CNTNAP2: variants seen among roughly 807,000 people sequenced by gnomAD.
CNTNAP2 encodes the protein contactin associated protein 2.
Under a neutral mutation model 155.2 loss-of-function variants are expected in CNTNAP2, and 98 were observed. That is an observed-to-expected ratio of 0.63 (90% CI 0.54 to 0.75). CNTNAP2 has a LOEUF of 0.75. CNTNAP2 is among the 30% of genes least tolerant of loss of function. The pLI is 0.00. For missense variants in CNTNAP2, 1,727 were observed against 1,688.1 expected, an observed-to-expected ratio of 1.02 and a Z score of -0.40; for synonymous variants, 651 against 631.2, an observed-to-expected ratio of 1.03 and a Z score of -0.47.
intron 1 of CNTNAP2, among the ~76,000 whole-genome samples, chr7:146,629,563 T>C (rs749667230): frequency 1.3e-5 from 2 of 152,220 alleles, no homozygotes; most frequent in African/African-American, 4.8e-5. Context: ...CAAGGAATTA[T>C]GGCATATGAT....
intron 11 of CNTNAP2, among the ~76,000 whole-genome samples, chr7:147,558,189 T>G (rs6947238): frequency 0.46 from 70,163 of 151,944 alleles, 16,343 homozygotes; most frequent in East Asian, 0.61. Context: ...TTACTATTTT[T>G]ATGTATTTAT....
At chr7:147,352,006 A>G (rs1795975158) in intron 9 of CNTNAP2, among the ~76,000 whole-genome samples, 1 of 151,934 alleles carries the variant, frequency 6.6e-6, no homozygotes, top group Non-Finnish European at 1.5e-5. Flanking sequence ...TCAATGATCA[A>G]TGGCAATTTG....
chr7:146,577,707 T>G (rs2129147174), intron 1 of CNTNAP2, among the ~76,000 whole-genome samples: 1 of 152,238 alleles, frequency 6.6e-6, no homozygotes, highest in East Asian at 1.9e-4. Context: ...AGCAATTTCC[T>G]TTGCTCATTA....
intron 1 of CNTNAP2, among the ~76,000 whole-genome samples, chr7:146,178,834 C>A (rs1415135112): frequency 6.6e-6 from 1 of 152,134 alleles, no homozygotes; most frequent in African/African-American, 2.4e-5. Context: ...CTGCTTATTA[C>A]TAAGGTTAGA....
At chr7:147,304,634 G>T (rs938546016) in intron 9 of CNTNAP2, among the ~76,000 whole-genome samples, 1 of 152,124 alleles carries the variant, frequency 6.6e-6, no homozygotes, top group Non-Finnish European at 1.5e-5. Flanking sequence ...TCTTAGGAAG[G>T]TACCAAAGCA....
intron 15 of CNTNAP2, among the ~76,000 whole-genome samples, chr7:148,006,711 CT>C (rs370932828): frequency 1.3e-4 from 19 of 143,210 alleles, no homozygotes; most frequent in African/African-American, 3.8e-4. Flanking sequence ...TAATAATTTT[CT>C]TTTTTTTTTC....
intron 1 of CNTNAP2, among the ~76,000 whole-genome samples, chr7:146,573,903 A>C (rs866939418): frequency 6.6e-6 from 1 of 152,206 alleles, no homozygotes; most frequent in Admixed American, 6.5e-5. Flanking sequence ...TAGGTGTAAA[A>C]AAATGCATGT....
At chr7:146,888,604 T>C (rs2129210951) in intron 3 of CNTNAP2, among the ~76,000 whole-genome samples, 1 of 152,196 alleles carries the variant, frequency 6.6e-6, no homozygotes, top group East Asian at 1.9e-4. Flanking sequence ...CATTTTTTTT[T>C]CATCTTGATA....
chr7:146,731,479 A>T (rs993859067), intron 1 of CNTNAP2, among the ~76,000 whole-genome samples: 9 of 151,898 alleles, frequency 5.9e-5, no homozygotes, highest in African/African-American at 9.7e-5. Flanking sequence ...TTCAATGTTT[A>T]ATGAACATTT....
chr7:148,199,670 A>G (rs1358196955), intron 18 of CNTNAP2, among the ~76,000 whole-genome samples: 1 of 152,224 alleles, frequency 6.6e-6, no homozygotes, highest in Non-Finnish European at 1.5e-5. Flanking sequence ...ATTGTGCTAT[A>G]AGCATAAAAC....
chr7:147,257,152 A>G (rs922154538), intron 8 of CNTNAP2, among the ~76,000 whole-genome samples: 1 of 152,210 alleles, frequency 6.6e-6, no homozygotes, highest in African/African-American at 2.4e-5. Flanking sequence ...CAGTTTTAGT[A>G]GAGAGATGGA....
At chr7:146,147,107 C>G (rs1031601051) in intron 1 of CNTNAP2, among the ~76,000 whole-genome samples, 2 of 152,148 alleles carry the variant, frequency 1.3e-5, no homozygotes, top group African/African-American at 4.8e-5. Context: ...CATCAAAATA[C>G]CGCTGAAGCC....
intron 11 of CNTNAP2, among the ~76,000 whole-genome samples, chr7:147,519,748 C>G (rs545303589): frequency 6.6e-6 from 1 of 152,116 alleles, no homozygotes; most frequent in Non-Finnish European, 1.5e-5. Context: ...GCCTGTCATC[C>G]CAGCTACTGG....
intron 1 of CNTNAP2, among the ~76,000 whole-genome samples, chr7:146,659,342 G>A (rs1348136981): frequency 6.6e-6 from 1 of 152,186 alleles, no homozygotes; most frequent in Admixed American, 6.5e-5. Flanking sequence ...CCTTTGGAAA[G>A]GCAGAGTGGA....
intron 13 of CNTNAP2, among the ~76,000 whole-genome samples, chr7:147,867,128 T>C (rs1256534394): frequency 1.3e-5 from 2 of 152,226 alleles, no homozygotes; most frequent in Non-Finnish European, 1.5e-5. Flanking sequence ...TCAGGAGCTC[T>C]TGTAGGGCAG....
At chr7:148,031,286 A>T (rs1802471954) in intron 15 of CNTNAP2, among the ~76,000 whole-genome samples, 1 of 152,196 alleles carries the variant, frequency 6.6e-6, no homozygotes, top group African/African-American at 2.4e-5. Flanking sequence ...GTAAGAATTT[A>T]CAATTGCAAG....
In CNTNAP2 at chr7:148,081,683, C is replaced by A. The variant is rs1803608038; in HGVS notation, c.2384-36435C>A. 2.6e-5 allele frequency among the ~76,000 whole-genome samples: 4 copies of A among 151,990 alleles called. No homozygotes were observed. The South Asian group carries it at 8.3e-4, about 31-fold the overall frequency. On this transcript the variant is annotated intron_variant, in intron 15 of 23. Coordinates refer to ENST00000361727, the MANE Select transcript of CNTNAP2 (RefSeq NM_014141.6). Reference sequence around the variant, plus strand: ...TTATTAGTTCTGTCCCTCTAGAGAACCCTGACTAACAGAGAGGAGAGGATA... The same window carrying A: ...TTATTAGTTCTGTCCCTCTAGAGAAACCTGACTAACAGAGAGGAGAGGATA...
chr7:146,488,271 CCCCTCCTCCCT>C (rs1258463424), intron 1 of CNTNAP2, among the ~76,000 whole-genome samples: 2 of 119,380 alleles, frequency 1.7e-5, no homozygotes, highest in Non-Finnish European at 3.5e-5. Flanking sequence ...CCCCTCCCCT[CCCCTCCTCCCT>C]CCCTCCCTCC....
At chr7:146,937,288 T>TTGCA (rs929025680) in intron 3 of CNTNAP2, among the ~76,000 whole-genome samples, 11 of 151,000 alleles carry the variant, frequency 7.3e-5, no homozygotes, top group Non-Finnish European at 1.5e-4. Flanking sequence ...GAGGTGGAGT[T>TTGCA]TGCAGTGAGC....
Sources: allele counts gnomAD v4.1 joint callset (sites outside exome capture counted in the v4.1 genomes callset), GRCh38; gene constraint gnomAD v4.1.1; transcripts MANE v1.5; gene names NCBI Gene and HGNC (gene_info 2026-07-23, HGNC 2026-07-21).